FILIP1: variants seen among roughly 807,000 people sequenced by gnomAD.
FILIP1 encodes the protein filamin-A-interacting protein 1.
Under a neutral mutation model 102.1 loss-of-function variants are expected in FILIP1, and 61 were observed. The ratio of observed to expected loss-of-function variants is 0.60; its 90% CI spans 0.49 to 0.74. FILIP1 has a LOEUF of 0.74. Among genes scored for constraint, FILIP1 ranks in the 30% least tolerant of loss-of-function variants. The pLI is 0.00. For missense variants in FILIP1, 1,314 were observed against 1,441.2 expected (o/e 0.91, Z 1.43); for synonymous variants, 491 against 526.9 (o/e 0.93, Z 0.93).
chr6:75,414,326 G>T (rs191901502), intron 2 of FILIP1, among the ~76,000 whole-genome samples: 34 of 151,916 alleles, frequency 2.2e-4, no homozygotes, highest in African/African-American at 7.5e-4. Context: ...CAATTGACCT[G>T]AACTCTCCAT....
At chr6:75,462,595 TAC>T in intron 1 of FILIP1, among the ~76,000 whole-genome samples, 1 of 152,236 alleles carries the variant, frequency 6.6e-6, no homozygotes, top group Admixed American at 6.5e-5. Context: ...TATATATATA[TAC>T]ACACACATAC....
chr6:75,381,031 A>C (rs1775891923), intron 2 of FILIP1, among the ~76,000 whole-genome samples: 1 of 152,120 alleles, frequency 6.6e-6, no homozygotes, highest in Middle Eastern at 3.2e-3. Flanking sequence ...CTCTTTTGAA[A>C]CTTTAATACC....
At chr6:75,349,296 T>A (rs1774702861) in intron 4 of FILIP1, among the ~76,000 whole-genome samples, 1 of 152,138 alleles carries the variant, frequency 6.6e-6, no homozygotes, top group African/African-American at 2.4e-5. Context: ...AGGACAAATG[T>A]GGAGAACGGA....
chr6:75,439,292 G>GAA (rs1157016524), intron 1 of FILIP1, among the ~76,000 whole-genome samples: 1 of 152,020 alleles, frequency 6.6e-6, no homozygotes, highest in African/African-American at 2.4e-5. Flanking sequence ...CTTGAACCCA[G>GAA]AAGGCAGAGG....
rs565061225 is a variant in FILIP1 at position 75,482,045 on chromosome 6, C to T, written c.-7+11369G>A. On this transcript the variant is annotated intron_variant, in intron 1 of 5. Transcript: ENST00000237172. ...TCTTCACTTTCTGAAAAACCACAGG[C>T]CACTTTCATCTGGTTTTCCCCCTTG... Among the ~76,000 whole-genome samples the T allele has an allele frequency of 3.9e-5, 6 of 152,246 alleles. No individual in the cohort carries two copies. In the South Asian group the frequency reaches 1.2e-3, roughly 32 times the overall value.
intron 1 of FILIP1, among the ~76,000 whole-genome samples, chr6:75,491,143 G>A (rs2149789599): frequency 1.3e-5 from 2 of 152,288 alleles, no homozygotes; most frequent in East Asian, 3.9e-4. Context: ...ATATCATTGT[G>A]AAAGTGGAAG....
intron 6 of FILIP1, among the ~76,000 whole-genome samples, chr6:75,297,966 C>T (rs1772728906): frequency 6.6e-6 from 1 of 152,144 alleles, no homozygotes. Flanking sequence ...ACTACAATAC[C>T]TTCTTTCTCC....
chr6:75,481,495 GCT>G (rs1244300981), intron 1 of FILIP1, among the ~76,000 whole-genome samples: 3 of 152,072 alleles, frequency 2.0e-5, no homozygotes, highest in Non-Finnish European at 2.9e-5. Flanking sequence ...CCACCTCCCT[GCT>G]CTCCTTCCTG....
At chr6:75,478,403 A>G (rs890807031) in intron 1 of FILIP1, among the ~76,000 whole-genome samples, 2 of 152,112 alleles carry the variant, frequency 1.3e-5, no homozygotes, top group African/African-American at 2.4e-5. Flanking sequence ...ATTATTTACC[A>G]CCTTCACTGG....
intron 2 of FILIP1, among the ~76,000 whole-genome samples, chr6:75,379,335 T>C (rs1405896097): frequency 1.3e-5 from 2 of 152,226 alleles, no homozygotes; most frequent in Non-Finnish European, 2.9e-5. Context: ...GATATTCAGA[T>C]GCCTTTTGCA....
At chr6:75,371,162 T>G (rs1048957360) in intron 2 of FILIP1, among the ~76,000 whole-genome samples, 3 of 152,216 alleles carry the variant, frequency 2.0e-5, no homozygotes, top group African/African-American at 4.8e-5. Context: ...AATACAACTA[T>G]GTACAAGAAG....
At chr6:75,297,482 C>T (rs1212154696) in intron 6 of FILIP1, among the ~76,000 whole-genome samples, 1 of 151,978 alleles carries the variant, frequency 6.6e-6, no homozygotes, top group Non-Finnish European at 1.5e-5. Flanking sequence ...GTCTTATATA[C>T]CTAAGAATAT....
At chr6:75,479,293 T>C (rs1229006827) in intron 1 of FILIP1, among the ~76,000 whole-genome samples, 1 of 152,194 alleles carries the variant, frequency 6.6e-6, no homozygotes, top group Admixed American at 6.5e-5. Context: ...AATATCCTTA[T>C]TTTTCTTCTG....
At chr6:75,384,597 C>A (rs1252349818) in intron 2 of FILIP1, among the ~76,000 whole-genome samples, 1 of 151,944 alleles carries the variant, frequency 6.6e-6, no homozygotes, top group African/African-American at 2.4e-5. Context: ...GAAGGTTACT[C>A]CTATAGCTAA....
chr6:75,352,069 G>T (rs76860265), intron 4 of FILIP1, among the ~76,000 whole-genome samples: 1,698 of 152,310 alleles, frequency 0.011, 38 homozygotes, highest in African/African-American at 0.039. Flanking sequence ...CGCAAGGGAT[G>T]TACCAAATCC....
At chr6:75,475,626 A>G (rs1779453367) in intron 1 of FILIP1, among the ~76,000 whole-genome samples, 1 of 152,214 alleles carries the variant, frequency 6.6e-6, no homozygotes, top group African/African-American at 2.4e-5. Context: ...TGAATTTTGT[A>G]TACAAATCAA....
chr6:75,314,494 T>A lies in FILIP1; in HGVS notation c.1338A>T (p.Lys446Asn), dbSNP rs1773351954. ...EKLEEAFSKS[K>N]SECTQLHLNL... ...TTAAATGTAGCTGGGTGCACTCAGATTTACTCTTGCTAAATGCTTCTTCCA... is the reference window on the plus strand; with the variant it reads ...TTAAATGTAGCTGGGTGCACTCAGAATTACTCTTGCTAAATGCTTCTTCCA... The change falls in exon 5 of 6, where the codon AAA becomes AAT. Residue 446 changes from lysine to asparagine, a missense_variant. By Grantham distance (94) the Lys-to-Asn change is moderately conservative. Coordinates refer to ENST00000237172, the MANE Select transcript of FILIP1 (RefSeq NM_015687.5). 1 of 1,609,062 alleles carries A rather than the reference T, an allele frequency of 6.2e-7. No homozygotes were observed. Among genetic ancestry groups the A allele is most frequent in the South Asian group, 1.1e-5 (1 of 89,474 alleles).
At chr6:75,344,854 G>T (rs771719302) in intron 4 of FILIP1, among the ~76,000 whole-genome samples, 1 of 152,208 alleles carries the variant, frequency 6.6e-6, no homozygotes, top group Non-Finnish European at 1.5e-5. Flanking sequence ...GCTCTCTGGA[G>T]GTTGCAGTGA....
chr6:75,308,774 G>C lies in FILIP1; in HGVS notation c.3559C>G (p.Arg1187Gly), dbSNP rs766890609. Residue 1187 changes from arginine (R) to glycine (G), a missense_variant, in exon 6 of 6, where the codon CGA (arginine) becomes GGA (glycine). Physicochemically the swap from Arg to Gly is moderately radical, Grantham distance 125. Around this residue, in one of 3 missense-constraint regions of FILIP1, gnomAD observed 816 missense variants for 913.1 expected, o/e 0.89. Transcript: ENST00000237172. ...GAGNLTKFEPRAETQSMKIEL... is the reference protein window; with the variant it reads ...GAGNLTKFEPGAETQSMKIEL... ...ATTTTCATAGACTGAGTCTCAGCTC[G>C]AGGCTCGAATTTGGTCAGATTTCCT... 1 of 1,613,994 alleles carries C rather than the reference G, an allele frequency of 6.2e-7. No homozygotes were observed. The highest frequency in any genetic ancestry group is 8.5e-7 in the Non-Finnish European group (1 of 1,180,002).
Sources: gnomAD v4.1 joint callset for allele counts (sites outside exome capture counted in the v4.1 genomes callset) on GRCh38, gnomAD v4.1.1 for gene constraint, gnomAD v4.1.1 regional missense constraint, MANE v1.5 for transcripts, NCBI Gene and HGNC (gene_info 2026-07-23, HGNC 2026-07-21) for gene names.